Variants in EIF4E observed in about 807,000 individuals in gnomAD.
EIF4E encodes eukaryotic translation initiation factor 4E.
For missense variants in EIF4E, 113 were observed against 265.6 expected (o/e 0.43, Z 3.99); for synonymous variants, 71 against 88.5 (o/e 0.80, Z 1.11).
At chr4:98,901,274 T>C (rs1278885158) in intron 2 of EIF4E, among the ~76,000 whole-genome samples, 1 of 151,408 alleles carries the variant, frequency 6.6e-6, no homozygotes, top group African/African-American at 2.4e-5. Context: ...CTCAGTTCAC[T>C]GCAACCTGCA....
At chr4:98,914,581 ACT>A (rs1725297081) in intron 1 of EIF4E, among the ~76,000 whole-genome samples, 1 of 151,932 alleles carries the variant, frequency 6.6e-6, no homozygotes, top group Admixed American at 6.6e-5. Flanking sequence ...TATGATTCTA[ACT>A]CTGTGACACT....
At chr4:98,882,318 G>C (rs1315940837) in intron 6 of EIF4E, among the ~76,000 whole-genome samples, 1 of 151,310 alleles carries the variant, frequency 6.6e-6, no homozygotes, top group African/African-American at 2.4e-5. Context: ...CGTGAACCTG[G>C]GAGGCAGAGC....
At chr4:98,886,264 G>A (rs560632480) in intron 5 of EIF4E, 6 of 230,458 alleles carry the variant, frequency 2.6e-5, no homozygotes, top group East Asian at 1.3e-4. Context: ...TACAAACCCC[G>A]CTCCTATAAG....
intron 2 of EIF4E, among the ~76,000 whole-genome samples, chr4:98,900,128 A>G (rs1724584255): frequency 1.3e-5 from 2 of 152,102 alleles, no homozygotes; most frequent in Admixed American, 6.6e-5. Context: ...ACAGACAGCT[A>G]GAAGATATAC....
At chr4:98,914,564 C>T (rs1725296059) in intron 1 of EIF4E, among the ~76,000 whole-genome samples, 1 of 151,828 alleles carries the variant, frequency 6.6e-6, no homozygotes, top group Non-Finnish European at 1.5e-5. Flanking sequence ...GAAAAGGCTA[C>T]ATACTGTATG....
chr4:98,890,894 A>G, intron 3 of EIF4E: 1 of 301,446 alleles, frequency 3.3e-6, no homozygotes, highest in South Asian at 4.1e-5. Flanking sequence ...ATGAGGACCC[A>G]ACAACGCACT....
intron 2 of EIF4E, among the ~76,000 whole-genome samples, chr4:98,899,994 T>G (rs1724579457): frequency 6.9e-6 from 1 of 145,710 alleles, no homozygotes; most frequent in Admixed American, 6.9e-5. Flanking sequence ...GATTTAAACT[T>G]TTTTTTTTTT....
chr4:98,909,190 T>G (rs912433624), intron 1 of EIF4E, among the ~76,000 whole-genome samples: 2 of 152,100 alleles, frequency 1.3e-5, no homozygotes, highest in African/African-American at 4.8e-5. Context: ...ATATAGTGAG[T>G]TTGTATTATT....
At position 98,888,302 on chromosome 4, in the gene EIF4E, AGTTT is replaced by A. The variant is rs765757284; in HGVS notation, c.222-354_222-351del. On this transcript the variant is annotated intron_variant, in intron 3 of 6. Coordinates refer to ENST00000450253, the MANE Select transcript of EIF4E (RefSeq NM_001968.5). The stretch of plus-strand genomic sequence containing the variant: ...GAAATAATTTCTGAAGTTAATACAC[AGTTT>A]TTTTCACAAACATAAAAAAACAAAA... 9.9e-4 allele frequency among the ~76,000 whole-genome samples: 150 copies of A among 152,254 alleles called. 1 individual carries two copies. Among genetic ancestry groups the A allele is most frequent in the Middle Eastern group, 3.4e-3 (1 of 294 alleles).
intron 1 of EIF4E, among the ~76,000 whole-genome samples, chr4:98,910,222 C>T (rs1025503602): frequency 6.6e-6 from 1 of 152,094 alleles, no homozygotes; most frequent in African/African-American, 2.4e-5. Context: ...GACTTTTATA[C>T]TCCTCCCTTA....
Position 98,884,941 on chromosome 4 carries a change from C to T in EIF4E, c.520G>A (p.Glu174Lys). 2 of 1,613,092 alleles carry T rather than the reference C, an allele frequency of 1.2e-6. No homozygotes were observed. The highest frequency in any genetic ancestry group is 1.7e-6 in the Non-Finnish European group (2 of 1,179,858). Residue 174 changes from glutamate to lysine, a missense_variant, in exon 6 of 7, where the codon GAA becomes AAA. Glu to Lys is a moderately conservative substitution (Grantham distance 56). Transcript: ENST00000450253. Reference protein sequence around the residue: ...AIWTTECENREAVTHIGRVYK... With the variant: ...AIWTTECENRKAVTHIGRVYK... ...ACTTACCCTATATGTGTAACAGCTT[C>T]TCTGTTTTCACATTCAGTAGTCCAT... is the stretch of plus-strand genomic sequence containing the variant.
chr4:98,927,473 T>C (rs1725923030), intron 1 of EIF4E, among the ~76,000 whole-genome samples: 1 of 128,108 alleles, frequency 7.8e-6, no homozygotes, highest in African/African-American at 3.3e-5. Flanking sequence ...CTGGCCAACA[T>C]GGTGGAACCC....
chr4:98,898,582 A>AC (rs1302225642), intron 2 of EIF4E, among the ~76,000 whole-genome samples: 3 of 152,112 alleles, frequency 2.0e-5, no homozygotes, highest in African/African-American at 7.2e-5. Flanking sequence ...CGAAAAAAAA[A>AC]AAAACAGATG....
chr4:98,885,906 A>G (rs1280679273), intron 5 of EIF4E, among the ~76,000 whole-genome samples: 5 of 152,172 alleles, frequency 3.3e-5, no homozygotes, highest in Non-Finnish European at 1.5e-5. Context: ...TGCAAAATGG[A>G]AATGTCCTGA....
intron 1 of EIF4E, among the ~76,000 whole-genome samples, chr4:98,918,295 G>A (rs889470859): frequency 3.3e-5 from 5 of 151,022 alleles, no homozygotes; most frequent in South Asian, 2.1e-4. Context: ...CCCAAGAGGC[G>A]GAGGTTGCAG....
chr4:98,908,493 A>T (rs1229630353), intron 1 of EIF4E, among the ~76,000 whole-genome samples: 3 of 152,256 alleles, frequency 2.0e-5, no homozygotes, highest in Non-Finnish European at 4.4e-5. Flanking sequence ...CATATGGCAA[A>T]GACAGCTGCA....
At chr4:98,925,282 A>G (rs768100304) in intron 1 of EIF4E, among the ~76,000 whole-genome samples, 25 of 152,234 alleles carry the variant, frequency 1.6e-4, no homozygotes, top group Non-Finnish European at 3.4e-4. Flanking sequence ...AAAGAAATCA[A>G]AATTAATCTC....
At chr4:98,919,193 G>A (rs1725536864) in intron 1 of EIF4E, among the ~76,000 whole-genome samples, 1 of 152,010 alleles carries the variant, frequency 6.6e-6, no homozygotes, top group Non-Finnish European at 1.5e-5. Flanking sequence ...TGTAGTCCCA[G>A]CTACTCAGGA....
At chr4:98,928,510 A>T (rs1721321299) in intron 1 of EIF4E, among the ~76,000 whole-genome samples, 1 of 152,164 alleles carries the variant, frequency 6.6e-6, no homozygotes, top group African/African-American at 2.4e-5. Flanking sequence ...AGCGAGGTCG[A>T]AGCTCCTCCG....
Sources: allele counts gnomAD v4.1 joint callset (sites outside exome capture counted in the v4.1 genomes callset), GRCh38; gene constraint gnomAD v4.1.1; transcripts MANE v1.5; gene names NCBI Gene and HGNC (gene_info 2026-07-23, HGNC 2026-07-21).